Variants in CCDC150 observed in about 807,000 individuals in gnomAD.
The protein encoded by CCDC150 is coiled-coil domain containing 150.
In CCDC150, 151 loss-of-function variants were observed where a neutral mutation model predicts 156.5. That is an observed-to-expected ratio of 0.97 (90% confidence interval 0.85 to 1.10). The LOEUF is 1.10. Among genes scored for constraint, CCDC150 ranks in the 50% least tolerant of loss-of-function variants. The probability of loss-of-function intolerance (pLI) is 0.00; values close to 1 mark genes in which losing one functional copy is unlikely to be tolerated. For synonymous variants in CCDC150, 452 were observed against 429.4 expected, an observed-to-expected ratio of 1.05 and a Z score of -0.65; for missense variants, 1,312 against 1,268.1, an observed-to-expected ratio of 1.03 and a Z score of -0.53.
rs1698479047 is a variant in CCDC150 at position 196,730,845 on chromosome 2, T to C, written c.2983-14T>C. The C allele has an allele frequency of 6.4e-7, 1 of 1,569,224 alleles. No individual in the cohort carries two copies. The highest frequency in any genetic ancestry group is 1.2e-5 in the South Asian group (1 of 85,010). ...TGTTGGAAGTTTATAAAAATCTTTGTATCACATTTTCAGGAATTGGAAGAA... is the reference window on the plus strand; with the variant it reads ...TGTTGGAAGTTTATAAAAATCTTTGCATCACATTTTCAGGAATTGGAAGAA... On this transcript the variant is annotated splice_polypyrimidine_tract_variant and intron_variant, in intron 25 of 27. Transcript: ENST00000389175.
intron 15 of CCDC150, among the ~76,000 whole-genome samples, chr2:196,703,266 T>C (rs1696361179): frequency 6.6e-6 from 1 of 152,142 alleles, no homozygotes; most frequent in African/African-American, 2.4e-5. Context: ...GCAGACAGGA[T>C]AGGGCCCAGA....
At chr2:196,674,138 A>G (rs1449157577) in intron 9 of CCDC150, 103 bp from the exon 10 acceptor site, 8 of 704,782 alleles carry the variant, frequency 1.1e-5, no homozygotes. Flanking sequence ...GATTAGTTTC[A>G]TATATACAGT....
At chr2:196,706,571 G>T (rs1275564400) in intron 15 of CCDC150, among the ~76,000 whole-genome samples, 1 of 152,172 alleles carries the variant, frequency 6.6e-6, no homozygotes, top group Non-Finnish European at 1.5e-5. Context: ...TGGTGAGAGA[G>T]GGCATCCCTG....
At chr2:196,720,711 G>A (rs369064018) in intron 20 of CCDC150, 43 bp downstream of exon 20, 102 of 1,511,196 alleles carry the variant, frequency 6.7e-5, no homozygotes, top group Non-Finnish European at 8.4e-5. Flanking sequence ...GATATTTTTA[G>A]TTTTATTGGG....
rs1408865960 is a variant in CCDC150, at chr2:196,677,014, G to C, written c.1441-279G>C. ...CAGATTTTAAAAATTGATTTCCCCT[G>C]AAGGAGTGGGACAGCGAAGGTTAAG... is the stretch of plus-strand genomic sequence containing the variant. On this transcript the variant is annotated intron_variant, in intron 12 of 27. Transcript: ENST00000389175. 3 of 670,152 alleles carry C rather than the reference G, an allele frequency of 4.5e-6. No homozygotes were observed. The South Asian group carries it at 4.5e-5, about 10-fold the overall frequency. The allele number at this position is 670,152 out of a possible 1,614,324, so 41.5% of individuals were successfully genotyped here.
At chr2:196,717,319 A>G (rs1431866795) in intron 17 of CCDC150, among the ~76,000 whole-genome samples, 1 of 152,202 alleles carries the variant, frequency 6.6e-6, no homozygotes, top group African/African-American at 2.4e-5. Context: ...AAGAGTGAAT[A>G]CAGAGATAGC....
intron 13 of CCDC150, among the ~76,000 whole-genome samples, chr2:196,684,209 C>T (rs1695001599): frequency 6.6e-6 from 1 of 152,076 alleles, no homozygotes; most frequent in Admixed American, 6.5e-5. Context: ...TCCCTCTCTG[C>T]ACTGCTTTAG....
intron 2 of CCDC150, among the ~76,000 whole-genome samples, chr2:196,653,452 A>T (rs1452396283): frequency 6.6e-6 from 1 of 152,178 alleles, no homozygotes; most frequent in Admixed American, 6.5e-5. Flanking sequence ...CCTTAAGGGC[A>T]CGGACACAGT....
chr2:196,688,870 G>A (rs1695270607), intron 13 of CCDC150, among the ~76,000 whole-genome samples: 1 of 151,222 alleles, frequency 6.6e-6, no homozygotes, highest in Non-Finnish European at 1.5e-5. Flanking sequence ...GGGTTTTTAT[G>A]GTTTTAGGTC....
rs1694492960 is a variant in CCDC150 at position 196,676,187 on chromosome 2, A to G, written c.1182A>G (p.Leu394=). The G allele has an allele frequency of 6.2e-7, 1 of 1,613,556 alleles. No homozygotes were observed. The highest frequency in any genetic ancestry group is 8.5e-7 in the Non-Finnish European group (1 of 1,179,636). ...CGCAGACATTTCAAGAACAAAACTT[A>G]TTGCTGGATGCAGCCCATGCCAGTA... ...MMTQTFQEQN[L]LLDAAHASIT... Residue 394 remains leucine (L), a synonymous_variant, in exon 11 of 28, where the codon TTA becomes TTG. Transcript: ENST00000389175.
intron 7 of CCDC150, among the ~76,000 whole-genome samples, chr2:196,668,995 A>G (rs1248011124): frequency 6.6e-6 from 1 of 152,220 alleles, no homozygotes; most frequent in Non-Finnish European, 1.5e-5. Flanking sequence ...CAAGACTGAT[A>G]TGAATTTTTC....
intron 21 of CCDC150, among the ~76,000 whole-genome samples, chr2:196,725,110 G>T (rs898188651): frequency 6.6e-6 from 1 of 152,128 alleles, no homozygotes; most frequent in Non-Finnish European, 1.5e-5. Flanking sequence ...GGAGAACATG[G>T]ATATATTATA....
At chr2:196,720,059 G>T in intron 19 of CCDC150, 1 of 371,734 alleles carries the variant, frequency 2.7e-6, no homozygotes. Flanking sequence ...TTACTATCCT[G>T]TTTCAAGATT....
At chr2:196,651,262 T>A (rs1255716054) in intron 2 of CCDC150, among the ~76,000 whole-genome samples, 1 of 152,264 alleles carries the variant, frequency 6.6e-6, no homozygotes, top group East Asian at 1.9e-4. Flanking sequence ...ATTGTAGCTA[T>A]AGTTGTTTTT....
intron 5 of CCDC150, among the ~76,000 whole-genome samples, chr2:196,663,070 TCAA>T: frequency 6.6e-6 from 1 of 151,042 alleles, no homozygotes; most frequent in Non-Finnish European, 1.5e-5. Context: ...AGACCCTGGC[TCAA>T]CAACAAATTT....
chr2:196,712,115 A>T (rs767936071), intron 15 of CCDC150, 30 bp from the exon 16 acceptor site: 31 of 1,123,366 alleles, frequency 2.8e-5, no homozygotes, highest in African/African-American at 6.4e-5. Context: ...ATTTTTTAAA[A>T]TTTTTTTTGT....
chr2:196,712,121 T>C, intron 15 of CCDC150, 24 bp from the exon 16 acceptor site: 1 of 1,193,584 alleles, frequency 8.4e-7, no homozygotes, highest in Non-Finnish European at 1.2e-6. Flanking sequence ...TAAAATTTTT[T>C]TTGTATTTTT....
chr2:196,714,123 C>T (rs1238413542), intron 17 of CCDC150, among the ~76,000 whole-genome samples: 1 of 152,140 alleles, frequency 6.6e-6, no homozygotes, highest in Non-Finnish European at 1.5e-5. Flanking sequence ...CTAGAGTGGG[C>T]TACTATTACC....
intron 5 of CCDC150, 143 bp downstream of exon 5, chr2:196,659,003 T>A (rs1044689541): frequency 5.2e-5 from 32 of 617,486 alleles, no homozygotes; most frequent in Non-Finnish European, 9.1e-5. Context: ...CCACATTGAA[T>A]TCAAGTGAAA....
Sources: allele counts gnomAD v4.1 joint callset (sites outside exome capture counted in the v4.1 genomes callset), GRCh38; gene constraint gnomAD v4.1.1; transcripts MANE v1.5; gene names NCBI Gene and HGNC (gene_info 2026-07-23, HGNC 2026-07-21).